The following RUVBL1 variants were observed in gnomAD, a reference collection of about 807,000 sequenced individuals.
The protein encoded by RUVBL1 is ruvB-like 1.
RUVBL1 carries 4 observed loss-of-function variants against 52.4 expected under a neutral mutation model. That is an observed-to-expected ratio of 0.08 (90% CI 0.04 to 0.17). RUVBL1 has a LOEUF of 0.17. RUVBL1 is among the 10% of genes least tolerant of loss of function. The pLI is 1.00. For synonymous variants in RUVBL1, 217 were observed against 214.4 expected (o/e 1.01, Z -0.10); for missense variants, 298 against 572.8 (o/e 0.52, Z 4.90).
intron 9 of RUVBL1, chr3:128,083,804 A>T (rs751303351): frequency 6.6e-6 from 1 of 152,372 alleles, no homozygotes; most frequent in African/African-American, 2.4e-5. Context: ...TTGGCAGGAC[A>T]CAATGGCTCA....
intron 9 of RUVBL1, chr3:128,070,020 A>C: frequency 5.7e-6 from 1 of 174,116 alleles, no homozygotes. Context: ...GGAATTTCTC[A>C]CTCTGGTTGG....
intron 1 of RUVBL1, among the ~76,000 whole-genome samples, chr3:128,129,898 T>C (rs1195769753): frequency 6.6e-6 from 1 of 152,164 alleles, no homozygotes; most frequent in Non-Finnish European, 1.5e-5. Context: ...GTGCAGGGTT[T>C]CCATCTGGGA....
intron 1 of RUVBL1, among the ~76,000 whole-genome samples, chr3:128,152,284 C>A (rs1944231852): frequency 6.6e-6 from 1 of 152,210 alleles, no homozygotes; most frequent in Non-Finnish European, 1.5e-5. Flanking sequence ...TTTGTGGCCT[C>A]TCCTAAGCCC....
downstream of RUVBL1, chr3:128,078,738 G>A (rs567663575): frequency 6.6e-6 from 1 of 152,214 alleles, no homozygotes; most frequent in Non-Finnish European, 1.5e-5. Context: ...CTCCCCACCA[G>A]GGTCTGTTTC....
chr3:128,146,012 G>A (rs1398990737), intron 1 of RUVBL1, among the ~76,000 whole-genome samples: 1 of 152,128 alleles, frequency 6.6e-6, no homozygotes, highest in East Asian at 1.9e-4. Flanking sequence ...ATGTTCAAAG[G>A]TGATATGCGC....
At chr3:128,090,303 G>A (rs1216101340) in intron 8 of RUVBL1, among the ~76,000 whole-genome samples, 3 of 152,140 alleles carry the variant, frequency 2.0e-5, no homozygotes, top group Admixed American at 6.5e-5. Context: ...AGGCCAAGGC[G>A]GGCAGATCAC....
chr3:128,078,321 A>G (rs997449774), downstream of RUVBL1, among the ~76,000 whole-genome samples: 18 of 152,378 alleles, frequency 1.2e-4, no homozygotes, highest in African/African-American at 4.3e-4. Flanking sequence ...TCAATCTGGC[A>G]GGTGCAACCC....
chr3:128,119,788 A>G (rs1287148701), intron 1 of RUVBL1, among the ~76,000 whole-genome samples: 1 of 152,220 alleles, frequency 6.6e-6, no homozygotes, highest in Non-Finnish European at 1.5e-5. Context: ...CCAGGCAAAG[A>G]AAACAGCGAA....
rs753857013 is a variant in RUVBL1 at position 128,087,734 on chromosome 3, A to G, written c.1091T>C (p.Met364Thr). Reference sequence around the variant, plus strand: ...TTTCATTTCCTGTGGAGTATACAGCATGGTCCGGATTATCATCACTCGGTC... The same window carrying G: ...TTTCATTTCCTGTGGAGTATACAGCGTGGTCCGGATTATCATCACTCGGTC... ...LLDRVMIIRTMLYTPQEMKQI... is the reference protein window; with the variant it reads ...LLDRVMIIRTTLYTPQEMKQI... The change falls in exon 9 of 11, where the codon ATG (methionine) becomes ACG (threonine). Residue 364 changes from methionine (M) to threonine (T), a missense_variant. Met to Thr is a moderately conservative substitution (Grantham distance 81, BLOSUM62 -1). Transcript: ENST00000322623. The G allele has an allele frequency of 5.0e-5, 81 of 1,613,670 alleles. No individual in the cohort carries two copies. The highest frequency in any genetic ancestry group is 6.5e-5 in the Non-Finnish European group (77 of 1,179,804).
chr3:128,104,999 G>A, intron 3 of RUVBL1, 75 bp from the exon 4 acceptor site: 1 of 1,519,498 alleles, frequency 6.6e-7, no homozygotes, highest in Non-Finnish European at 9.0e-7. Flanking sequence ...AAACTTCCAT[G>A]TCACCAGAAC....
chr3:128,098,961 CT>C lies in RUVBL1; in HGVS notation c.754-17del. 1 of 1,611,652 alleles carries C rather than the reference CT, an allele frequency of 6.2e-7. No homozygotes were observed. The highest frequency in any genetic ancestry group is 1.1e-5 in the South Asian group (1 of 91,056). ...CTTGTCCCCCCTGCATAAGAGAAGA[CT>C]TAGAGTCAGTGCTGCTTTCTAAGGT... On this transcript the variant is annotated splice_polypyrimidine_tract_variant and intron_variant, in intron 6 of 10. Coordinates refer to ENST00000322623, the MANE Select transcript of RUVBL1 (RefSeq NM_003707.3).
At chr3:128,108,521 G>A (rs1033102784) in intron 3 of RUVBL1, among the ~76,000 whole-genome samples, 6 of 152,032 alleles carry the variant, frequency 3.9e-5, no homozygotes, top group African/African-American at 1.4e-4. Context: ...CATTTTTTAA[G>A]TAAATAGAAC....
chr3:128,152,930 C>G (rs1322095451), intron 1 of RUVBL1, among the ~76,000 whole-genome samples: 1 of 51,184 alleles, frequency 2.0e-5, no homozygotes, highest in Non-Finnish European at 3.7e-5. Context: ...CGCCGTCCCC[C>G]CGCCCTCCCC....
At chr3:128,085,844 A>G (rs1057387683) in intron 9 of RUVBL1, among the ~76,000 whole-genome samples, 3 of 152,154 alleles carry the variant, frequency 2.0e-5, no homozygotes, top group African/African-American at 7.2e-5. Context: ...TCCTAATGAC[A>G]ATGAGATGAG....
chr3:128,072,964 C>T lies in RUVBL1; in HGVS notation c.940-7744G>A, dbSNP rs570124027. Among the ~76,000 whole-genome samples, 114 of 152,268 alleles carry T rather than the reference C, an allele frequency of 7.5e-4. 1 individual carries two copies. Among genetic ancestry groups the T allele is most frequent in the Admixed American group, 7.4e-3 (113 of 15,306 alleles). On this transcript the variant is annotated intron_variant, in intron 9 of 9. Transcript: ENST00000464873. The stretch of plus-strand genomic sequence containing the variant: ...TTTTCCCTTGGGGCAGGCACTGTCC[C>T]AGCCACTTCCTACATGTGCTCTCAC...
At chr3:128,097,226 G>A (rs1576454190) in intron 8 of RUVBL1, 74 bp downstream of exon 8, 2 of 1,406,498 alleles carry the variant, frequency 1.4e-6, no homozygotes, top group East Asian at 2.4e-5. Flanking sequence ...CATGGGGTTT[G>A]GAGAGATCCT....
intron 1 of RUVBL1, among the ~76,000 whole-genome samples, chr3:128,143,361 C>G (rs1017503622): frequency 6.6e-6 from 1 of 151,840 alleles, no homozygotes; most frequent in Non-Finnish European, 1.5e-5. Flanking sequence ...TTAGTAGAGA[C>G]GAGGTTTCAT....
rs1331851600 is a variant in RUVBL1, at chr3:128,098,900, T to C, written c.799A>G (p.Lys267Glu). The C allele has an allele frequency of 6.2e-7, 1 of 1,613,956 alleles. No individual in the cohort carries two copies. The highest frequency in any genetic ancestry group is 1.3e-5 in the African/African-American group (1 of 74,906). The change falls in exon 7 of 11, where the codon AAG becomes GAG. Residue 267 changes from lysine to glutamate, a missense_variant. Lys to Glu is a moderately conservative substitution (Grantham distance 56, BLOSUM62 1). Transcript: ENST00000322623. Reference protein sequence around the residue: ...LSMMGQLMKPKKTEITDKLRG... With the variant: ...LSMMGQLMKPEKTEITDKLRG... The stretch of plus-strand genomic sequence containing the variant: ...CTCCTACCTGTGATTTCTGTCTTCT[T>C]TGGCTTCATTAGCTGGCCCATCATG...
chr3:128,092,769 T>C (rs896340386), intron 8 of RUVBL1, among the ~76,000 whole-genome samples: 4 of 152,258 alleles, frequency 2.6e-5, no homozygotes, highest in African/African-American at 7.2e-5. Context: ...ATGATGCAGC[T>C]GGCTTTGGAA....
Sources: gnomAD v4.1 joint callset for allele counts (sites outside exome capture counted in the v4.1 genomes callset) on GRCh38, gnomAD v4.1.1 for gene constraint, MANE v1.5 for transcripts, NCBI Gene and HGNC (gene_info 2026-07-23, HGNC 2026-07-21) for gene names.